The following FBXW11 variants were observed in gnomAD, a reference collection of about 807,000 sequenced individuals.
FBXW11 encodes the protein F-box and WD repeat domain containing 11.
In FBXW11, 19 loss-of-function variants were observed where a neutral mutation model predicts 77.6. That is an observed-to-expected ratio of 0.24 (90% CI 0.17 to 0.36). The LOEUF (loss-of-function observed/expected upper bound fraction) is 0.36, where lower values mean the gene tolerates loss of function less well. Ranked by LOEUF, FBXW11 falls within the 10% of genes least tolerant of loss-of-function variation. The pLI is 1.00. For synonymous variants in FBXW11, 235 were observed against 249.4 expected, an observed-to-expected ratio of 0.94 and a Z score of 0.54; for missense variants, 334 against 704.2, an observed-to-expected ratio of 0.47 and a Z score of 5.95.
intron 4 of FBXW11, among the ~76,000 whole-genome samples, chr5:171,906,706 C>T (rs1760550653): frequency 6.6e-6 from 1 of 152,130 alleles, no homozygotes; most frequent in Non-Finnish European, 1.5e-5. Context: ...ACTGAGGCTC[C>T]AGAAAGTGGG....
intron 1 of FBXW11, among the ~76,000 whole-genome samples, chr5:171,976,380 T>C (rs890721141): frequency 7.2e-5 from 11 of 152,166 alleles, no homozygotes; most frequent in Admixed American, 5.9e-4. Context: ...TGATATAAGA[T>C]AGTAATTCTC....
At chr5:172,002,696 C>CTTTTTTTTTTTTTTTTTTTTT (rs34300477) in intron 1 of FBXW11, among the ~76,000 whole-genome samples, 71 of 97,036 alleles carry the variant, frequency 7.3e-4, no homozygotes, top group Non-Finnish European at 1.0e-3. Flanking sequence ...TTTTTCTTTT[C>CTTTTTTTTTTTTTTTTTTTTT]TTTTTTTTTT....
intron 1 of FBXW11, among the ~76,000 whole-genome samples, chr5:172,000,705 ATC>A (rs774050674): frequency 1.9e-4 from 29 of 152,310 alleles, no homozygotes; most frequent in Non-Finnish European, 4.0e-4. Flanking sequence ...TTTCACACAC[ATC>A]TCTCATATAA....
intron 7 of FBXW11, among the ~76,000 whole-genome samples, chr5:171,886,055 T>C (rs1758855294): frequency 6.6e-6 from 1 of 152,202 alleles, no homozygotes; most frequent in Non-Finnish European, 1.5e-5. Flanking sequence ...ACACATCTAG[T>C]GTAAATGAAT....
At chr5:171,885,308 A>G (rs957035529) in intron 7 of FBXW11, among the ~76,000 whole-genome samples, 8 of 152,198 alleles carry the variant, frequency 5.3e-5, no homozygotes, top group African/African-American at 1.9e-4. Context: ...TAAAACTCAC[A>G]AAAGTGTGGT....
At chr5:171,967,442 T>C (rs1366355990) in intron 1 of FBXW11, among the ~76,000 whole-genome samples, 1 of 152,244 alleles carries the variant, frequency 6.6e-6, no homozygotes, top group African/African-American at 2.4e-5. Flanking sequence ...GTTTAATGCA[T>C]AGAAAGAAAG....
chr5:171,880,840 C>T (rs1449525942), intron 7 of FBXW11, among the ~76,000 whole-genome samples: 1 of 152,002 alleles, frequency 6.6e-6, no homozygotes, highest in Non-Finnish European at 1.5e-5. Context: ...GGACTATAGG[C>T]GCCCACCACC....
In FBXW11 at chr5:171,899,040, A is replaced by G. The variant is rs1336572664; in HGVS notation, c.678T>C (p.Tyr226=). 6.2e-7 allele frequency: 1 copy of G among 1,609,298 alleles called. No individual in the cohort carries two copies. The highest frequency in any genetic ancestry group is 1.1e-5 in the South Asian group (1 of 90,198). The change falls in exon 6 of 14, where the codon TAT becomes TAC. Residue 226 remains tyrosine, a synonymous_variant. Transcript: ENST00000517395. Reference sequence around the variant, plus strand: ...GGATAATCTTTGGGTATAATGACCTATAAAATGAATTTGGAGGGCCATCTG... The same window carrying G: ...GGATAATCTTTGGGTATAATGACCTGTAAAATGAATTTGGAGGGCCATCTG... ...RPTDGPPNSF[Y]RSLYPKIIQD...
chr5:171,915,343 T>A (rs911345525), intron 2 of FBXW11, among the ~76,000 whole-genome samples: 12 of 152,248 alleles, frequency 7.9e-5, no homozygotes, highest in Admixed American at 6.5e-5. Context: ...AGATCCTGTT[T>A]GTTGTCTTTA....
In FBXW11 at chr5:171,975,338, G is replaced by C. The variant is rs147918438; in HGVS notation, c.46-17640C>G. 5.0e-3 allele frequency among the ~76,000 whole-genome samples: 763 copies of C among 152,274 alleles called. 4 individuals are homozygous for C. The highest frequency in any genetic ancestry group is 7.0e-3 in the Non-Finnish European group (475 of 68,012). ...AGGCAGTTTAGGCAGAGGCAGTCAA[G>C]GCTTCCCCCTTTTCTTCTCAATCTA... On this transcript the variant is annotated intron_variant, in intron 1 of 13. Transcript: ENST00000517395.
intron 7 of FBXW11, among the ~76,000 whole-genome samples, chr5:171,885,708 T>C (rs529720561): frequency 3.9e-5 from 6 of 152,324 alleles, no homozygotes; most frequent in African/African-American, 1.4e-4. Flanking sequence ...GATTGAACTA[T>C]TTAAAATAGA....
intron 1 of FBXW11, among the ~76,000 whole-genome samples, chr5:171,970,515 A>G (rs1764463651): frequency 6.6e-6 from 1 of 152,200 alleles, no homozygotes; most frequent in South Asian, 2.1e-4. Flanking sequence ...TTCAAACCTT[A>G]CATCATTTAA....
At chr5:171,970,512 C>T (rs1238468334) in intron 1 of FBXW11, among the ~76,000 whole-genome samples, 1 of 152,142 alleles carries the variant, frequency 6.6e-6, no homozygotes, top group Non-Finnish European at 1.5e-5. Context: ...AAATTCAAAC[C>T]TTACATCATT....
At chr5:171,986,354 G>C (rs1395365240) in intron 1 of FBXW11, among the ~76,000 whole-genome samples, 1 of 152,088 alleles carries the variant, frequency 6.6e-6, no homozygotes, top group Non-Finnish European at 1.5e-5. Context: ...GTTGCAGTGA[G>C]ATCACACCAT....
Position 171,928,082 on chromosome 5 carries a change from A to C in FBXW11, c.148-13677T>G, listed in dbSNP as rs1032118839. Among the ~76,000 whole-genome samples, 3 of 152,370 alleles carry C rather than the reference A, an allele frequency of 2.0e-5. No individual in the cohort carries two copies. In the East Asian group the frequency reaches 5.8e-4, roughly 29 times the overall value. On this transcript the variant is annotated intron_variant, in intron 2 of 13. Coordinates refer to ENST00000517395, the MANE Select transcript of FBXW11 (RefSeq NM_001378974.1). ...TCAAACCTTCACTACAAGAAACGTT[A>C]AAGTTCTTCAGACAAAAAGAAAAGA...
intron 7 of FBXW11, among the ~76,000 whole-genome samples, chr5:171,879,148 C>A (rs1355126219): frequency 1.3e-5 from 2 of 152,216 alleles, no homozygotes; most frequent in African/African-American, 4.8e-5. Flanking sequence ...TTTCTCGCTT[C>A]TTTTACTGCC....
intron 2 of FBXW11, among the ~76,000 whole-genome samples, chr5:171,937,489 A>C (rs1462685284): frequency 6.6e-6 from 1 of 152,180 alleles, no homozygotes; most frequent in Non-Finnish European, 1.5e-5. Flanking sequence ...GCAGCCACAG[A>C]TGATATGTAA....
At chr5:171,952,609 T>C (rs1251974252) in intron 2 of FBXW11, among the ~76,000 whole-genome samples, 1 of 149,780 alleles carries the variant, frequency 6.7e-6, no homozygotes. Flanking sequence ...CCCATCATCA[T>C]GCCCAGCTAC....
chr5:171,925,160 A>G (rs1368283643), intron 2 of FBXW11, among the ~76,000 whole-genome samples: 2 of 152,218 alleles, frequency 1.3e-5, no homozygotes, highest in East Asian at 3.9e-4. Flanking sequence ...AACATCCTGC[A>G]TCACATGCAT....
Sources: allele counts gnomAD v4.1 joint callset (sites outside exome capture counted in the v4.1 genomes callset), GRCh38; gene constraint gnomAD v4.1.1; transcripts MANE v1.5; gene names NCBI Gene and HGNC (gene_info 2026-07-23, HGNC 2026-07-21).